Variants in MICU1 observed in about 807,000 individuals in gnomAD.
MICU1 encodes the protein calcium uptake protein 1, mitochondrial.
A neutral mutation model predicts 56.8 loss-of-function variants in MICU1; 45 were observed. The observed-to-expected ratio is 0.79, with a 90% CI of 0.62 to 1.02. The LOEUF (loss-of-function observed/expected upper bound fraction) is 1.02. Among genes scored for constraint, MICU1 ranks in the 50% least tolerant of loss-of-function variants. The pLI, the probability that MICU1 is intolerant of heterozygous loss-of-function variation, is 0.00. For synonymous variants in MICU1, 186 were observed against 195.1 expected, an observed-to-expected ratio of 0.95 and a Z score of 0.39; for missense variants, 504 against 587.1, an observed-to-expected ratio of 0.86 and a Z score of 1.46.
chr10:72,460,914 G>T (rs1865620431), intron 8 of MICU1, among the ~76,000 whole-genome samples: 1 of 152,072 alleles, frequency 6.6e-6, no homozygotes, highest in African/African-American at 2.4e-5. Context: ...ATTTTAAAAT[G>T]TCCCTAAGTT....
intron 8 of MICU1, among the ~76,000 whole-genome samples, chr10:72,426,073 A>G (rs1864337464): frequency 2.0e-5 from 3 of 152,314 alleles, no homozygotes; most frequent in Admixed American, 6.5e-5. Flanking sequence ...GCTGGAGTAC[A>G]GTGGCATGAT....
intron 9 of MICU1, among the ~76,000 whole-genome samples, chr10:72,414,118 C>G (rs1270106994): frequency 6.6e-6 from 1 of 152,154 alleles, no homozygotes; most frequent in Non-Finnish European, 1.5e-5. Flanking sequence ...TATTTCACTC[C>G]TAGGAATCTT....
intron 11 of MICU1, among the ~76,000 whole-genome samples, chr10:72,373,491 G>T (rs1862414994): frequency 1.3e-5 from 2 of 152,062 alleles, no homozygotes; most frequent in South Asian, 2.1e-4. Context: ...TTGGCATTTT[G>T]ACCTAAGATC....
intron 5 of MICU1, among the ~76,000 whole-genome samples, chr10:72,521,997 T>C (rs1867837909): frequency 1.3e-5 from 2 of 152,034 alleles, no homozygotes; most frequent in Non-Finnish European, 2.9e-5. Context: ...CTGTAATTGG[T>C]GAAGTTTTTC....
At chr10:72,605,368 A>G (rs1314939713) in intron 1 of MICU1, among the ~76,000 whole-genome samples, 4 of 152,198 alleles carry the variant, frequency 2.6e-5, no homozygotes, top group Admixed American at 2.6e-4. Flanking sequence ...AATCCACTCC[A>G]TATTTAGCAT....
intron 8 of MICU1, among the ~76,000 whole-genome samples, chr10:72,453,796 G>C (rs1865369448): frequency 6.6e-6 from 1 of 151,838 alleles, no homozygotes; most frequent in Non-Finnish European, 1.5e-5. Context: ...CTCCCAAAGT[G>C]CTGGGATTAC....
chr10:72,622,734 G>C (rs74148039), intron 1 of MICU1, among the ~76,000 whole-genome samples: 14 of 151,974 alleles, frequency 9.2e-5, no homozygotes, highest in Non-Finnish European at 1.5e-4. Context: ...TTTCAATATT[G>C]TATTTTCGAT....
intron 8 of MICU1, among the ~76,000 whole-genome samples, chr10:72,440,676 CT>C (rs1864892091): frequency 6.6e-6 from 1 of 152,176 alleles, no homozygotes; most frequent in African/African-American, 2.4e-5. Flanking sequence ...TATCCAGAAT[CT>C]ACAAAGAACT....
At chr10:72,397,925 A>G (rs1403173738) in intron 10 of MICU1, among the ~76,000 whole-genome samples, 3 of 152,206 alleles carry the variant, frequency 2.0e-5, no homozygotes, top group Non-Finnish European at 4.4e-5. Context: ...GCTCTGCACC[A>G]AGTGGACCTA....
chr10:72,602,977 G>A (rs1427308742), intron 1 of MICU1, among the ~76,000 whole-genome samples: 5 of 144,366 alleles, frequency 3.5e-5, no homozygotes, highest in East Asian at 1.9e-4. Flanking sequence ...TTAGCCGGGC[G>A]TGGTGGCGGG....
chr10:72,560,420 T>C (rs1313496328), intron 3 of MICU1: 1 of 152,196 alleles, frequency 6.6e-6, no homozygotes, highest in African/African-American at 2.4e-5. Flanking sequence ...CTGGATTTTA[T>C]GCACATTTCT....
intron 5 of MICU1, among the ~76,000 whole-genome samples, chr10:72,531,959 G>A (rs1346267805): frequency 6.8e-6 from 1 of 147,104 alleles, no homozygotes; most frequent in Non-Finnish European, 1.5e-5. Flanking sequence ...GGAGCGCAAT[G>A]GCACAATCTT....
chr10:72,519,317 C>T (rs1489614221), intron 5 of MICU1, among the ~76,000 whole-genome samples: 1 of 152,162 alleles, frequency 6.6e-6, no homozygotes, highest in Non-Finnish European at 1.5e-5. Context: ...GTTATAGGTA[C>T]AGTATCACCA....
At chr10:72,570,991 A>C (rs1378747405) in intron 1 of MICU1, among the ~76,000 whole-genome samples, 1 of 152,226 alleles carries the variant, frequency 6.6e-6, no homozygotes, top group Non-Finnish European at 1.5e-5. Flanking sequence ...TATCTGGAGG[A>C]AACATTATTC....
Position 72,475,317 on chromosome 10 carries a change from A to C in MICU1, c.736-20T>G. 6.4e-7 allele frequency: 1 copy of C among 1,558,990 alleles called. No individual in the cohort carries two copies. The highest frequency in any genetic ancestry group is 8.7e-7 in the Non-Finnish European group (1 of 1,149,968). On this transcript the variant is annotated intron_variant, in intron 7 of 11. Transcript: ENST00000361114. ...CTGAACCTAATACAGAATCAAACCC[A>C]CATCCAGAAAAATATTAGGAAGTGA...
At chr10:72,371,756 T>C (rs72642243) in intron 11 of MICU1, among the ~76,000 whole-genome samples, 1 of 142,972 alleles carries the variant, frequency 7.0e-6, no homozygotes, top group Non-Finnish European at 1.5e-5. Context: ...AAGAAAAAAA[T>C]ATATATATAT....
At chr10:72,425,274 T>C (rs189317818) in intron 8 of MICU1, among the ~76,000 whole-genome samples, 257 of 152,342 alleles carry the variant, frequency 1.7e-3, no homozygotes, top group African/African-American at 5.8e-3. Context: ...TGTGGGGCAA[T>C]CCCGTATGTT....
intron 6 of MICU1, among the ~76,000 whole-genome samples, chr10:72,497,981 A>G (rs1353936115): frequency 6.6e-6 from 1 of 152,216 alleles, no homozygotes; most frequent in African/African-American, 2.4e-5. Context: ...CCACTGCCTA[A>G]GTTTTCTTCT....
intron 5 of MICU1, among the ~76,000 whole-genome samples, chr10:72,520,828 G>C (rs537840973): frequency 1.3e-5 from 2 of 152,162 alleles, no homozygotes; most frequent in East Asian, 3.9e-4. Context: ...TTACTGCAAA[G>C]GTTTGTTTTA....
Sources: allele counts gnomAD v4.1 joint callset (sites outside exome capture counted in the v4.1 genomes callset), GRCh38; gene constraint gnomAD v4.1.1; transcripts MANE v1.5; gene names NCBI Gene and HGNC (gene_info 2026-07-23, HGNC 2026-07-21).